The following CRTC1 variants were observed in gnomAD, a reference collection of about 807,000 sequenced individuals.
The protein encoded by CRTC1 is CREB regulated transcription coactivator 1.
A neutral mutation model predicts 66.1 loss-of-function variants in CRTC1; 18 were observed. The ratio of observed to expected loss-of-function variants is 0.27; its 90% confidence interval spans 0.19 to 0.40. CRTC1 has a LOEUF of 0.40. CRTC1 is among the 10% of genes least tolerant of loss of function. The pLI is 1.00. For synonymous variants in CRTC1, 416 were observed against 398.8 expected (o/e 1.04, Z -0.51); for missense variants, 669 against 887.9 (o/e 0.75, Z 3.13).
intron 6 of CRTC1, among the ~76,000 whole-genome samples, chr19:18,758,524 A>G (rs2054543935): frequency 6.6e-6 from 1 of 152,088 alleles, no homozygotes; most frequent in Non-Finnish European, 1.5e-5. Context: ...TCAGCCAAGC[A>G]GAAAAACCAG....
intron 1 of CRTC1, among the ~76,000 whole-genome samples, chr19:18,714,048 G>A (rs946877315): frequency 5.9e-5 from 9 of 152,208 alleles, no homozygotes; most frequent in African/African-American, 1.7e-4. Flanking sequence ...AAGCAGCAGG[G>A]TGGGAGGGCA....
chr19:18,709,283 C>G (rs1395429792), intron 1 of CRTC1, among the ~76,000 whole-genome samples: 2 of 152,178 alleles, frequency 1.3e-5, no homozygotes. Context: ...CACCTTTCCC[C>G]TCACCTGGCC....
At chr19:18,718,662 G>A (rs1052449549) in intron 1 of CRTC1, among the ~76,000 whole-genome samples, 9 of 152,122 alleles carry the variant, frequency 5.9e-5, no homozygotes, top group Non-Finnish European at 1.2e-4. Context: ...TTTCATGGCT[G>A]AATCTTATTC....
At chr19:18,749,141 G>A (rs192741009) in intron 4 of CRTC1, among the ~76,000 whole-genome samples, 3 of 152,282 alleles carry the variant, frequency 2.0e-5, no homozygotes, top group East Asian at 3.9e-4. Flanking sequence ...AGGGAAATGC[G>A]GTCCCTGGAG....
intron 1 of CRTC1, among the ~76,000 whole-genome samples, chr19:18,701,472 C>T (rs1181041135): frequency 6.6e-6 from 1 of 152,270 alleles, no homozygotes; most frequent in African/African-American, 2.4e-5. Context: ...ACAGTGAGAG[C>T]AGGATCGCAC....
At chr19:18,709,624 G>A (rs932773885) in intron 1 of CRTC1, among the ~76,000 whole-genome samples, 3 of 152,140 alleles carry the variant, frequency 2.0e-5, no homozygotes, top group Admixed American at 6.5e-5. Context: ...CTGTACCTGC[G>A]GACACCCCTG....
In CRTC1 at chr19:18,745,688, A is replaced by C. The variant is rs568936004; in HGVS notation, c.244-135A>C. ...GGGGCTGAAGGAAGAAGCCCATCCCAGGCTGTGGAGCGATGGCCGAGGGTG... is the reference window on the plus strand; with the variant it reads ...GGGGCTGAAGGAAGAAGCCCATCCCCGGCTGTGGAGCGATGGCCGAGGGTG... On this transcript the variant is annotated intron_variant, in intron 2 of 13. Transcript: ENST00000321949. The C allele has an allele frequency of 4.4e-6, 5 of 1,129,522 alleles. No individual in the cohort carries two copies. In the South Asian group the frequency reaches 5.2e-5, roughly 12 times the overall value. The allele number at this position is 1,129,522 out of a possible 1,614,324, so 70.0% of individuals were successfully genotyped here.
intron 6 of CRTC1, among the ~76,000 whole-genome samples, chr19:18,756,751 C>T (rs17757406): frequency 0.19 from 28,820 of 152,134 alleles, 2,772 homozygotes; most frequent in Middle Eastern, 0.27. Context: ...TGGCGACAGT[C>T]ACCTTGCAGA....
rs541696446 is a variant in CRTC1, at chr19:18,742,969, C to G, written c.186C>G (p.Gly62=). 1 of 1,613,732 alleles carries G rather than the reference C, an allele frequency of 6.2e-7. No individual in the cohort carries two copies. The highest frequency in any genetic ancestry group is 8.5e-7 in the Non-Finnish European group (1 of 1,179,972). Residue 62 remains glycine (G), a synonymous_variant, in exon 2 of 14, where the codon GGC becomes GGG. Coordinates refer to ENST00000321949, the MANE Select transcript of CRTC1 (RefSeq NM_015321.3). ...QLGPSRGQYY[G]GSLPNVNQIG... ...GCCCCAGCCGAGGCCAGTACTATGGCGGGTCCCTGCCCAACGTGAACCAGA... is the reference window on the plus strand; with the variant it reads ...GCCCCAGCCGAGGCCAGTACTATGGGGGGTCCCTGCCCAACGTGAACCAGA...
chr19:18,777,642 C>A lies in CRTC1; in HGVS notation c.*260C>A. The stretch of plus-strand genomic sequence containing the variant: ...CCGTGAGCCTCCCGCCCCTGCAGAC[C>A]CTCCCTGCACTGGCTCCCTCGCCCC... On this transcript the variant is annotated 3_prime_UTR_variant, in exon 14 of 14. Transcript: ENST00000321949. The surrounding 1 kb of genome is among the most constrained non-coding windows in gnomAD (Gnocchi z 5.5). The A allele has an allele frequency of 2.0e-6, 1 of 488,062 alleles. No homozygotes were observed. The highest frequency in any genetic ancestry group is 3.8e-5 in the East Asian group (1 of 26,160). The allele number at this position is 488,062 out of a possible 1,614,324, so 30.2% of individuals were successfully genotyped here. A position where few individuals can be genotyped will look rare whatever the true frequency, so the allele number is the denominator to read the frequency against.
At chr19:18,756,614 T>TA (rs56046314) in intron 6 of CRTC1, among the ~76,000 whole-genome samples, 48,503 of 147,018 alleles carry the variant, frequency 0.33, 9,209 homozygotes, top group East Asian at 0.66. Flanking sequence ...ACCCTGTCTC[T>TA]AAAAAAAAAA....
intron 1 of CRTC1, among the ~76,000 whole-genome samples, chr19:18,693,638 T>G (rs778299719): frequency 2.0e-5 from 3 of 151,128 alleles, no homozygotes. Flanking sequence ...TCCACCACCA[T>G]GCCCGGCTAC....
chr19:18,743,957 C>A, intron 2 of CRTC1: 1 of 708,080 alleles, frequency 1.4e-6, no homozygotes, highest in Non-Finnish European at 2.4e-6. Flanking sequence ...GGGCACCTTG[C>A]AAGCTCAGCC....
intron 1 of CRTC1, among the ~76,000 whole-genome samples, chr19:18,727,692 A>G (rs1200155812): frequency 6.6e-6 from 1 of 151,854 alleles, no homozygotes; most frequent in Non-Finnish European, 1.5e-5. Flanking sequence ...CAGCAGCCGC[A>G]ACAGCTGGGA....
chr19:18,689,121 T>G (rs2052760413), intron 1 of CRTC1, among the ~76,000 whole-genome samples: 1 of 151,706 alleles, frequency 6.6e-6, no homozygotes, highest in Non-Finnish European at 1.5e-5. Context: ...AATTTTTGTA[T>G]TTTTGAGTAG....
intron 1 of CRTC1, among the ~76,000 whole-genome samples, chr19:18,692,430 G>A (rs1004615761): frequency 1.3e-5 from 2 of 152,046 alleles, no homozygotes; most frequent in Admixed American, 6.6e-5. Context: ...ATGAAACCCC[G>A]TCTCTACTAA....
In CRTC1 at chr19:18,777,256, C is replaced by T; in HGVS notation, c.1779C>T (p.Ser593=). The T allele has an allele frequency of 6.2e-7, 1 of 1,612,346 alleles. No homozygotes were observed. Residue 593 remains serine (S), a synonymous_variant, in exon 14 of 14, where the codon AGC becomes AGT. Coordinates refer to ENST00000321949, the MANE Select transcript of CRTC1 (RefSeq NM_015321.3). The surrounding 1 kb of genome is among the most constrained non-coding windows in gnomAD (Gnocchi z 5.5). ...GVGDVSFDSD[S]QFPLDELKID... The stretch of plus-strand genomic sequence containing the variant: ...GCGACGTCAGCTTCGACTCCGACAG[C>T]CAGTTTCCCCTGGACGAACTCAAGA...
chr19:18,723,765 ACAGGG>A, intron 1 of CRTC1, among the ~76,000 whole-genome samples: 1 of 152,322 alleles, frequency 6.6e-6, no homozygotes, highest in African/African-American at 2.4e-5. Context: ...CCTGTGGGCA[ACAGGG>A]CAGTTGCCCT....
At chr19:18,738,371 T>C (rs369075094) in intron 1 of CRTC1, among the ~76,000 whole-genome samples, 1 of 151,980 alleles carries the variant, frequency 6.6e-6, no homozygotes, top group Non-Finnish European at 1.5e-5. Flanking sequence ...AGAAAAAAAA[T>C]TATACTTGGA....
Sources: allele counts gnomAD v4.1 joint callset (sites outside exome capture counted in the v4.1 genomes callset), GRCh38; gene constraint gnomAD v4.1.1; non-coding constraint Gnocchi (gnomAD v3.1); transcripts MANE v1.5; gene names NCBI Gene and HGNC (gene_info 2026-07-23, HGNC 2026-07-21).